ERGIC2: variants seen among roughly 807,000 people sequenced by gnomAD.
ERGIC2 encodes the protein endoplasmic reticulum-Golgi intermediate compartment protein 2.
Under a neutral mutation model 52.5 loss-of-function variants are expected in ERGIC2, and 31 were observed. The observed-to-expected ratio is 0.59, with a 90% CI of 0.44 to 0.80. The LOEUF is 0.80. ERGIC2 is among the 30% of genes least tolerant of loss of function. The pLI, the probability that ERGIC2 is intolerant of heterozygous loss-of-function variation, is 0.00. For synonymous variants in ERGIC2, 129 were observed against 140.6 expected (o/e 0.92, Z 0.58); for missense variants, 395 against 455.2 (o/e 0.87, Z 1.20).
chr12:29,373,945 T>C (rs1940479001), intron 1 of ERGIC2, among the ~76,000 whole-genome samples: 1 of 152,068 alleles, frequency 6.6e-6, no homozygotes, highest in Admixed American at 6.5e-5. Flanking sequence ...ACCTTTTTAG[T>C]AGTAACTGCA....
At chr12:29,373,731 T>G in intron 1 of ERGIC2, among the ~76,000 whole-genome samples, 1 of 152,178 alleles carries the variant, frequency 6.6e-6, no homozygotes, top group East Asian at 1.9e-4. Context: ...CAAAGCAGCC[T>G]TCGAATTATG....
At chr12:29,354,355 G>A (rs1940173676) in intron 8 of ERGIC2, among the ~76,000 whole-genome samples, 1 of 152,150 alleles carries the variant, frequency 6.6e-6, no homozygotes, top group African/African-American at 2.4e-5. Flanking sequence ...TGTCACTCAT[G>A]ATATCTGAGT....
chr12:29,350,844 G>A (rs922730850), intron 8 of ERGIC2, among the ~76,000 whole-genome samples: 11 of 151,962 alleles, frequency 7.2e-5, no homozygotes, highest in Admixed American at 5.2e-4. Flanking sequence ...GACAGCAAAC[G>A]CTATCAAGGC....
intron 1 of ERGIC2, among the ~76,000 whole-genome samples, chr12:29,377,510 A>C (rs963550586): frequency 6.6e-5 from 10 of 152,244 alleles, no homozygotes; most frequent in African/African-American, 2.4e-4. Context: ...TGTACTGTTT[A>C]GGAAATAATG....
intron 5 of ERGIC2, among the ~76,000 whole-genome samples, chr12:29,364,560 T>C (rs767107070): frequency 1.1e-4 from 16 of 151,978 alleles, no homozygotes; most frequent in Non-Finnish European, 1.9e-4. Flanking sequence ...TTTATGACTA[T>C]GTCCCCACAA....
intron 3 of ERGIC2, among the ~76,000 whole-genome samples, chr12:29,368,947 G>T (rs763549938): frequency 6.6e-6 from 1 of 152,012 alleles, no homozygotes; most frequent in Non-Finnish European, 1.5e-5. Flanking sequence ...CAAATGATTA[G>T]ATCAAAGCAA....
chr12:29,378,599 C>A (rs920615842), intron 1 of ERGIC2, among the ~76,000 whole-genome samples: 28 of 151,052 alleles, frequency 1.9e-4, no homozygotes, highest in Non-Finnish European at 3.7e-4. Flanking sequence ...AGATAGCAAC[C>A]CCCCAACCCC....
At chr12:29,367,987 T>G (rs897712557) in intron 4 of ERGIC2, among the ~76,000 whole-genome samples, 26 of 151,830 alleles carry the variant, frequency 1.7e-4, no homozygotes, top group African/African-American at 5.6e-4. Flanking sequence ...ACTAGAATGC[T>G]GATTCACAAA....
intron 6 of ERGIC2, among the ~76,000 whole-genome samples, chr12:29,358,886 A>G (rs940931975): frequency 1.3e-5 from 2 of 152,118 alleles, no homozygotes; most frequent in African/African-American, 4.8e-5. Flanking sequence ...ATAACAACTC[A>G]TATTTATACT....
intron 1 of ERGIC2, among the ~76,000 whole-genome samples, chr12:29,375,990 C>T (rs1369256524): frequency 6.6e-6 from 1 of 152,210 alleles, no homozygotes; most frequent in Non-Finnish European, 1.5e-5. Flanking sequence ...GCTGTCTGCT[C>T]TCTTTATAAA....
At chr12:29,363,130 T>C (rs2136869635) in intron 5 of ERGIC2, among the ~76,000 whole-genome samples, 1 of 152,328 alleles carries the variant, frequency 6.6e-6, no homozygotes, top group African/African-American at 2.4e-5. Context: ...CTCAAAAAGT[T>C]ACAAACTTTC....
chr12:29,361,157 C>A (rs904857092), intron 6 of ERGIC2, among the ~76,000 whole-genome samples: 1 of 152,032 alleles, frequency 6.6e-6, no homozygotes, highest in East Asian at 1.9e-4. Context: ...GAGGCTGAGG[C>A]AGGAGAATCG....
intron 11 of ERGIC2, among the ~76,000 whole-genome samples, chr12:29,344,799 C>T (rs1427450216): frequency 5.3e-5 from 8 of 152,112 alleles, no homozygotes; most frequent in Non-Finnish European, 1.2e-4. Context: ...CTTCTGGATA[C>T]AAGTGTTTGA....
intron 6 of ERGIC2, among the ~76,000 whole-genome samples, chr12:29,359,800 T>C (rs1311655228): frequency 6.6e-6 from 1 of 151,904 alleles, no homozygotes; most frequent in Non-Finnish European, 1.5e-5. Flanking sequence ...TTTGGAATAA[T>C]CTTAAACTAT....
intron 6 of ERGIC2, among the ~76,000 whole-genome samples, chr12:29,360,714 T>C (rs1940272967): frequency 6.6e-6 from 1 of 150,484 alleles, no homozygotes; most frequent in African/African-American, 2.4e-5. Context: ...AAAATGTCTG[T>C]CTAGAAGGCT....
At chr12:29,360,784 G>A (rs1940274081) in intron 6 of ERGIC2, among the ~76,000 whole-genome samples, 1 of 151,622 alleles carries the variant, frequency 6.6e-6, no homozygotes, top group Non-Finnish European at 1.5e-5. Flanking sequence ...TACAGAAAGA[G>A]AAGGGGGCTT....
chr12:29,363,576 A>T (rs1224234110), intron 5 of ERGIC2, among the ~76,000 whole-genome samples: 1 of 152,020 alleles, frequency 6.6e-6, no homozygotes, highest in Non-Finnish European at 1.5e-5. Flanking sequence ...AACAATTTAA[A>T]TAAAATTTTC....
intron 2 of ERGIC2, among the ~76,000 whole-genome samples, chr12:29,370,689 C>T (rs1940429266): frequency 6.6e-6 from 1 of 151,660 alleles, no homozygotes; most frequent in African/African-American, 2.4e-5. Context: ...CAATTTAAAA[C>T]AAACAAAAAG....
chr12:29,356,505 G>A, intron 7 of ERGIC2, 28 bp from the exon 8 acceptor site: 1 of 1,268,918 alleles, frequency 7.9e-7, no homozygotes, highest in Non-Finnish European at 1.1e-6. Context: ...ATTATTTAAA[G>A]CACATTCAAT....
Sources: allele counts gnomAD v4.1 joint callset (sites outside exome capture counted in the v4.1 genomes callset), GRCh38; gene constraint gnomAD v4.1.1; transcripts MANE v1.5; gene names NCBI Gene and HGNC (gene_info 2026-07-23, HGNC 2026-07-21).